Variants in FGF12 observed in about 807,000 individuals in gnomAD.
FGF12 encodes fibroblast growth factor 12, also known as fibroblast growth factor 12B.
FGF12 carries 14 observed loss-of-function variants against 23.6 expected under a neutral mutation model. The observed-to-expected ratio is 0.59, with a 90% CI of 0.39 to 0.93. The LOEUF is 0.93. FGF12 is among the 40% of genes least tolerant of loss of function. The pLI is 0.00. For synonymous variants in FGF12, 62 were observed against 77.3 expected (o/e 0.80, Z 1.04); for missense variants, 175 against 217.8 (o/e 0.80, Z 1.24).
intron 4 of FGF12, among the ~76,000 whole-genome samples, chr3:192,230,726 A>G (rs1024914993): frequency 1.3e-5 from 2 of 151,996 alleles, no homozygotes; most frequent in African/African-American, 2.4e-5. Flanking sequence ...TCTTTTTTTT[A>G]ATCTCTTTAT....
At chr3:192,197,941 C>A in intron 4 of FGF12, among the ~76,000 whole-genome samples, 2 of 112,000 alleles carry the variant, frequency 1.8e-5, no homozygotes. Flanking sequence ...AGCGAAATTC[C>A]TCCTCAAAAA....
intron 4 of FGF12, among the ~76,000 whole-genome samples, chr3:192,275,707 G>C (rs1264552164): frequency 6.6e-6 from 1 of 152,158 alleles, no homozygotes; most frequent in African/African-American, 2.4e-5. Flanking sequence ...GTTAAGTAAA[G>C]TATAAGTAAG....
At chr3:192,676,477 G>C (rs7639120) in intron 2 of FGF12, among the ~76,000 whole-genome samples, 6,041 of 152,326 alleles carry the variant, frequency 0.04, 396 homozygotes, top group African/African-American at 0.14. Flanking sequence ...GTGGTCCACA[G>C]TGCTTTCTAA....
At chr3:192,665,364 A>G (rs1577108295) in intron 2 of FGF12, among the ~76,000 whole-genome samples, 1 of 152,212 alleles carries the variant, frequency 6.6e-6, no homozygotes, top group African/African-American at 2.4e-5. Context: ...TGCCATTACC[A>G]TAAGTGATAA....
At chr3:192,437,419 GCC>G (rs1722058154) in intron 2 of FGF12, among the ~76,000 whole-genome samples, 2 of 152,148 alleles carry the variant, frequency 1.3e-5, no homozygotes, top group Non-Finnish European at 2.9e-5. Flanking sequence ...CTGGCCAGGC[GCC>G]GTGGCTCACG....
intron 5 of FGF12, among the ~76,000 whole-genome samples, chr3:192,169,359 A>G (rs1715412380): frequency 6.6e-6 from 1 of 152,160 alleles, no homozygotes; most frequent in Non-Finnish European, 1.5e-5. Context: ...AAATAAATAA[A>G]GTGAAAATAT....
chr3:192,417,317 A>G (rs1044349720), intron 2 of FGF12, among the ~76,000 whole-genome samples: 2 of 151,838 alleles, frequency 1.3e-5, no homozygotes, highest in African/African-American at 4.8e-5. Context: ...AGGCAGGGAA[A>G]GAATGTTGAC....
In FGF12 at chr3:192,539,805, C is replaced by T. The variant is rs546202623; in HGVS notation, c.14-179267G>A. Among the ~76,000 whole-genome samples, 3 of 151,918 alleles carry T rather than the reference C, an allele frequency of 2.0e-5. No homozygotes were observed. The East Asian group carries it at 5.8e-4, about 29-fold the overall frequency. ...AGGCTTTTCGTTGCTGGGTGACTTA[C>T]TACTGCTTTGATCTGCTTATTTGTC... is the stretch of plus-strand genomic sequence containing the variant. On this transcript the variant is annotated intron_variant, in intron 2 of 5. Coordinates refer to ENST00000445105, the MANE Select transcript of FGF12 (RefSeq NM_004113.6).
chr3:192,625,329 T>C (rs1715128431), intron 2 of FGF12, among the ~76,000 whole-genome samples: 1 of 152,126 alleles, frequency 6.6e-6, no homozygotes, highest in African/African-American at 2.4e-5. Context: ...CAATAGAGTG[T>C]GTTATAAAAT....
intron 4 of FGF12, among the ~76,000 whole-genome samples, chr3:192,234,328 C>A (rs1456369881): frequency 6.6e-6 from 1 of 152,058 alleles, no homozygotes. Context: ...TGAATGGGAT[C>A]AAATTCTTGA....
chr3:192,252,242 C>T (rs1712063137), intron 4 of FGF12, among the ~76,000 whole-genome samples: 1 of 151,776 alleles, frequency 6.6e-6, no homozygotes, highest in Non-Finnish European at 1.5e-5. Flanking sequence ...GGGCAGATCA[C>T]TTGAGCTCAG....
chr3:192,723,765 T>G (rs2108748702), intron 2 of FGF12, among the ~76,000 whole-genome samples: 2 of 151,820 alleles, frequency 1.3e-5, no homozygotes, highest in Middle Eastern at 6.8e-3. Flanking sequence ...GGTGTTTCTA[T>G]AGGTAGTATG....
At chr3:192,286,284 C>G (rs1714441640) in intron 4 of FGF12, among the ~76,000 whole-genome samples, 1 of 151,952 alleles carries the variant, frequency 6.6e-6, no homozygotes, top group South Asian at 2.1e-4. Context: ...TGAAGCCTCC[C>G]AAAGGTCCTT....
intron 2 of FGF12, among the ~76,000 whole-genome samples, chr3:192,430,497 G>C (rs966145609): frequency 6.6e-6 from 1 of 152,116 alleles, no homozygotes; most frequent in Non-Finnish European, 1.5e-5. Context: ...AGATGGTAAA[G>C]TTTATCTGTT....
intron 3 of FGF12, among the ~76,000 whole-genome samples, chr3:192,335,707 C>T (rs1189392433): frequency 5.9e-5 from 9 of 152,064 alleles, no homozygotes; most frequent in African/African-American, 2.4e-5. Context: ...ATTAGAAGGT[C>T]TCTAAAGGCC....
At chr3:192,592,056 G>A (rs1005498042) in intron 2 of FGF12, among the ~76,000 whole-genome samples, 2 of 150,664 alleles carry the variant, frequency 1.3e-5, no homozygotes, top group African/African-American at 4.9e-5. Flanking sequence ...TAGGCAGGGG[G>A]AAAAAAAAAT....
intron 5 of FGF12, among the ~76,000 whole-genome samples, chr3:192,144,849 A>C (rs9846592): frequency 0.62 from 94,697 of 152,098 alleles, 31,182 homozygotes; most frequent in Non-Finnish European, 0.73. Flanking sequence ...AGAAAGAACG[A>C]TGTTTTCAAA....
intron 2 of FGF12, among the ~76,000 whole-genome samples, chr3:192,720,803 C>T (rs956242215): frequency 1.9e-4 from 29 of 152,076 alleles, no homozygotes; most frequent in Admixed American, 1.6e-3. Context: ...TGGAGCTTAT[C>T]GATGGATTCA....
intron 2 of FGF12, among the ~76,000 whole-genome samples, chr3:192,692,281 C>A (rs1449438771): frequency 6.6e-6 from 1 of 152,072 alleles, no homozygotes; most frequent in Admixed American, 6.6e-5. Flanking sequence ...TACTAGTAAA[C>A]CAAGTTTTAC....
Sources: allele counts gnomAD v4.1 joint callset (sites outside exome capture counted in the v4.1 genomes callset), GRCh38; gene constraint gnomAD v4.1.1; transcripts MANE v1.5; gene names NCBI Gene and HGNC (gene_info 2026-07-23, HGNC 2026-07-21).